TTC28: variants seen among roughly 807,000 people sequenced by gnomAD.
TTC28 encodes tetratricopeptide repeat protein 28.
In TTC28, 61 loss-of-function variants were observed where a neutral mutation model predicts 198.0. The ratio of observed to expected loss-of-function variants is 0.31; its 90% CI spans 0.25 to 0.38. The LOEUF (loss-of-function observed/expected upper bound fraction) is 0.38. Among genes scored for constraint, TTC28 ranks in the 10% least tolerant of loss-of-function variants. The pLI is 1.00. For synonymous variants in TTC28, 1,171 were observed against 1,297.8 expected (o/e 0.90, Z 2.10); for missense variants, 2,678 against 3,164.0 (o/e 0.85, Z 3.69).
intron 5 of TTC28, among the ~76,000 whole-genome samples, chr22:28,192,847 A>G (rs1924966526): frequency 6.6e-6 from 1 of 152,222 alleles, no homozygotes; most frequent in Admixed American, 6.5e-5. Context: ...AGAGAATGCA[A>G]ACAAGTTGGA....
chr22:28,366,933 A>G (rs911021005), intron 2 of TTC28, among the ~76,000 whole-genome samples: 16 of 152,224 alleles, frequency 1.1e-4, no homozygotes, highest in African/African-American at 3.8e-4. Context: ...ACCAAGATAG[A>G]AAAAGCAAAT....
At chr22:28,089,488 G>C (rs1264233910) in intron 12 of TTC28, among the ~76,000 whole-genome samples, 1 of 149,532 alleles carries the variant, frequency 6.7e-6, no homozygotes, top group Non-Finnish European at 1.5e-5. Flanking sequence ...CACAGGAAGG[G>C]GAACATCACA....
At chr22:28,282,609 T>C (rs988280968) in intron 5 of TTC28, among the ~76,000 whole-genome samples, 2 of 152,180 alleles carry the variant, frequency 1.3e-5, no homozygotes, top group African/African-American at 2.4e-5. Context: ...TCATATAATC[T>C]GGTCTTCCTG....
chr22:28,621,490 G>A (rs982201294), intron 2 of TTC28, among the ~76,000 whole-genome samples: 1 of 151,608 alleles, frequency 6.6e-6, no homozygotes, highest in African/African-American at 2.4e-5. Flanking sequence ...CAAGGCAGAA[G>A]AATCATCTGA....
intron 2 of TTC28, among the ~76,000 whole-genome samples, chr22:28,571,973 C>CAA (rs372116802): frequency 7.0e-6 from 1 of 142,836 alleles, no homozygotes; most frequent in African/African-American, 2.6e-5. Flanking sequence ...AAAAAACAAA[C>CAA]AAAAAAAAAA....
intron 2 of TTC28, among the ~76,000 whole-genome samples, chr22:28,358,491 C>T (rs1185196374): frequency 6.6e-6 from 1 of 152,126 alleles, no homozygotes; most frequent in South Asian, 2.1e-4. Flanking sequence ...TTCCTTAGAG[C>T]ACTACACTTT....
At chr22:28,649,652 G>T (rs1444654943) in intron 1 of TTC28, among the ~76,000 whole-genome samples, 1 of 152,140 alleles carries the variant, frequency 6.6e-6, no homozygotes, top group Non-Finnish European at 1.5e-5. Flanking sequence ...TCTTGAGATG[G>T]TTACAAGTAA....
intron 5 of TTC28, among the ~76,000 whole-genome samples, chr22:28,281,163 A>C (rs2044574956): frequency 6.6e-6 from 1 of 152,080 alleles, no homozygotes; most frequent in South Asian, 2.1e-4. Context: ...TTTAGCCACT[A>C]TTTCTACTAA....
At chr22:28,553,341 G>A (rs982455533) in intron 2 of TTC28, among the ~76,000 whole-genome samples, 1 of 151,234 alleles carries the variant, frequency 6.6e-6, no homozygotes, top group African/African-American at 2.4e-5. Context: ...AGGAAGTGAG[G>A]AGCCCCTCTT....
At chr22:28,447,820 G>A (rs1027509583) in intron 2 of TTC28, among the ~76,000 whole-genome samples, 1 of 152,010 alleles carries the variant, frequency 6.6e-6, no homozygotes, top group African/African-American at 2.4e-5. Flanking sequence ...AATTTTTTAG[G>A]TATATTTCCT....
chr22:28,030,421 G>C (rs1213207692), intron 12 of TTC28, 55 bp from the exon 13 acceptor site: 2 of 1,544,306 alleles, frequency 1.3e-6, no homozygotes, highest in Non-Finnish European at 1.7e-6. Flanking sequence ...CTGAGCTATG[G>C]AAGTCAGCTC....
At chr22:28,329,811 T>C (rs1373057517) in intron 2 of TTC28, among the ~76,000 whole-genome samples, 1 of 152,224 alleles carries the variant, frequency 6.6e-6, no homozygotes, top group Admixed American at 6.5e-5. Context: ...GATAACATCT[T>C]GAGGTCTCAG....
chr22:28,124,537 G>A lies in TTC28; in HGVS notation c.1442-16134C>T, dbSNP rs151191619. Among the ~76,000 whole-genome samples the A allele has an allele frequency of 5.0e-4, 76 of 152,258 alleles. No homozygotes were observed. The East Asian group carries it at 0.012, about 24-fold the overall frequency. Reference sequence around the variant, plus strand: ...ATGCTGTAATTATCCTATTATTTCAGATGAGTCAGAGATGCTACAGAACTT... The same window carrying A: ...ATGCTGTAATTATCCTATTATTTCAAATGAGTCAGAGATGCTACAGAACTT... On this transcript the variant is annotated intron_variant, in intron 6 of 22. Coordinates refer to ENST00000397906, the MANE Select transcript of TTC28 (RefSeq NM_001145418.2).
At chr22:28,308,740 C>T (rs1393374352) in intron 2 of TTC28, among the ~76,000 whole-genome samples, 1 of 152,140 alleles carries the variant, frequency 6.6e-6, no homozygotes, top group Non-Finnish European at 1.5e-5. Flanking sequence ...CCATGCCTCC[C>T]ACAATCTTGG....
intron 2 of TTC28, among the ~76,000 whole-genome samples, chr22:28,524,533 T>C (rs1337365930): frequency 6.6e-6 from 1 of 151,838 alleles, no homozygotes; most frequent in African/African-American, 2.4e-5. Context: ...CCCAGCACTT[T>C]GGGAGGCTAA....
intron 2 of TTC28, among the ~76,000 whole-genome samples, chr22:28,428,782 G>A (rs2047390792): frequency 6.6e-6 from 1 of 151,890 alleles, no homozygotes; most frequent in African/African-American, 2.4e-5. Context: ...GGGACTACAG[G>A]CACCCGCCAC....
At chr22:28,636,313 G>C (rs910439458) in intron 1 of TTC28, among the ~76,000 whole-genome samples, 1 of 151,768 alleles carries the variant, frequency 6.6e-6, no homozygotes, top group Non-Finnish European at 1.5e-5. Flanking sequence ...TTTTAGTAGA[G>C]ACGGGGTTTC....
chr22:28,232,515 C>T (rs376437535), intron 5 of TTC28, among the ~76,000 whole-genome samples: 3 of 152,248 alleles, frequency 2.0e-5, no homozygotes, highest in South Asian at 4.1e-4. Flanking sequence ...GTTTCCGTTC[C>T]GGGGTACATG....
intron 2 of TTC28, among the ~76,000 whole-genome samples, chr22:28,623,522 T>C (rs2051032753): frequency 1.3e-5 from 2 of 152,106 alleles, no homozygotes; most frequent in Admixed American, 1.3e-4. Context: ...ACACAGAAGA[T>C]ATGAGCAACA....
Sources: allele counts gnomAD v4.1 joint callset (sites outside exome capture counted in the v4.1 genomes callset), GRCh38; gene constraint gnomAD v4.1.1; transcripts MANE v1.5; gene names NCBI Gene and HGNC (gene_info 2026-07-23, HGNC 2026-07-21).